Variants in MECOM observed in about 807,000 individuals in gnomAD.
MECOM encodes histone-lysine N-methyltransferase MECOM.
In MECOM, 13 loss-of-function variants were observed where a neutral mutation model predicts 116.3. The ratio of observed to expected loss-of-function variants is 0.11; its 90% confidence interval spans 0.07 to 0.18. The LOEUF (loss-of-function observed/expected upper bound fraction) is 0.18. Ranked by LOEUF, MECOM falls within the 10% of genes least tolerant of loss-of-function variation. The pLI, the probability that MECOM is intolerant of heterozygous loss-of-function variation, is 1.00. For missense variants in MECOM, 1,299 were observed against 1,509.0 expected (o/e 0.86, Z 2.31); for synonymous variants, 528 against 535.2 (o/e 0.99, Z 0.19).
chr3:169,092,503 T>C (rs1720060111), intron 14 of MECOM, among the ~76,000 whole-genome samples: 1 of 152,020 alleles, frequency 6.6e-6, no homozygotes, highest in South Asian at 2.1e-4. Flanking sequence ...ATATATATAA[T>C]TTATGATGTA....
chr3:169,551,050 C>T (rs1761343425), intron 1 of MECOM, among the ~76,000 whole-genome samples: 1 of 94,958 alleles, frequency 1.1e-5, no homozygotes, highest in African/African-American at 3.2e-5. Context: ...GTCTCGATCT[C>T]CTGACCTCGT....
At chr3:169,126,606 C>T (rs564748636) in intron 5 of MECOM, among the ~76,000 whole-genome samples, 30 of 152,038 alleles carry the variant, frequency 2.0e-4, no homozygotes, top group Admixed American at 6.6e-4. Flanking sequence ...CCCTCTTGTT[C>T]GGTAAAATGT....
intron 3 of MECOM, 31 bp from the exon 4 acceptor site, chr3:169,131,562 C>T: frequency 6.5e-7 from 1 of 1,547,154 alleles, no homozygotes; most frequent in Non-Finnish European, 8.8e-7. Flanking sequence ...TGGATGGAAT[C>T]AGGAAAGAGA....
At chr3:169,597,653 T>G (rs951727718) in intron 1 of MECOM, among the ~76,000 whole-genome samples, 6 of 152,230 alleles carry the variant, frequency 3.9e-5, no homozygotes, top group Non-Finnish European at 7.3e-5. Flanking sequence ...AGTCTTAGAC[T>G]AGGTCCTCAG....
At chr3:169,425,860 T>G (rs1022700627) in intron 1 of MECOM, among the ~76,000 whole-genome samples, 5 of 152,102 alleles carry the variant, frequency 3.3e-5, no homozygotes, top group Non-Finnish European at 5.9e-5. Context: ...TGGGAAAATG[T>G]TTGCAACACA....
intron 2 of MECOM, among the ~76,000 whole-genome samples, chr3:169,354,801 G>T (rs1169970311): frequency 6.6e-6 from 1 of 151,796 alleles, no homozygotes; most frequent in Non-Finnish European, 1.5e-5. Context: ...CCCTTCCTGA[G>T]CTGGGGCTTC....
intron 1 of MECOM, among the ~76,000 whole-genome samples, chr3:169,539,417 T>A (rs543203149): frequency 1.6e-4 from 25 of 152,016 alleles, no homozygotes; most frequent in Non-Finnish European, 3.1e-4. Flanking sequence ...TGTTTTAGAG[T>A]CTCTTCTGAG....
intron 1 of MECOM, among the ~76,000 whole-genome samples, chr3:169,472,690 A>G (rs1250466602): frequency 2.9e-5 from 4 of 136,742 alleles, no homozygotes; most frequent in East Asian, 2.3e-4. Context: ...GAGGAAAGGA[A>G]AGGGAAGGGA....
chr3:169,458,155 C>T (rs1012753217), intron 1 of MECOM, among the ~76,000 whole-genome samples: 1 of 152,160 alleles, frequency 6.6e-6, no homozygotes, highest in African/African-American at 2.4e-5. Context: ...ATGGGAAGGA[C>T]ATCAGTTTTA....
chr3:169,325,382 A>G (rs16853523), intron 2 of MECOM, among the ~76,000 whole-genome samples: 3,412 of 152,252 alleles, frequency 0.022, 89 homozygotes, highest in East Asian at 0.11. Context: ...ATGACATAAC[A>G]ACTGAAAAGT....
Position 169,584,418 on chromosome 3 carries a change from A to C in MECOM, c.37+78918T>G, listed in dbSNP as rs529524257. 6.5e-4 allele frequency among the ~76,000 whole-genome samples: 99 copies of C among 151,732 alleles called. No homozygotes were observed. The Middle Eastern group carries it at 0.01, about 16-fold the overall frequency. On this transcript the variant is annotated intron_variant, in intron 1 of 16. Coordinates refer to ENST00000651503, the MANE Select transcript of MECOM (RefSeq NM_004991.4). ...GTCTCTACTAAAAATACAAAAAATT[A>C]GCCGGGCGTGGTGGCGAGCGCCTGT... is the stretch of plus-strand genomic sequence containing the variant.
chr3:169,279,067 C>T (rs1397233325), intron 2 of MECOM, among the ~76,000 whole-genome samples: 4 of 152,168 alleles, frequency 2.6e-5, no homozygotes, highest in Non-Finnish European at 4.4e-5. Context: ...ATTAAGAAGT[C>T]ATTCATTCAG....
At chr3:169,261,075 T>C (rs897834806) in intron 2 of MECOM, among the ~76,000 whole-genome samples, 1 of 152,192 alleles carries the variant, frequency 6.6e-6, no homozygotes, top group Admixed American at 6.5e-5. Flanking sequence ...CGTGGTTGCA[T>C]AATAAAGTTG....
intron 2 of MECOM, among the ~76,000 whole-genome samples, chr3:169,149,917 ATC>A (rs1740884400): frequency 7.1e-6 from 1 of 140,720 alleles, no homozygotes; most frequent in Non-Finnish European, 1.6e-5. Flanking sequence ...CTAAATCTTA[ATC>A]TCTCTTTCTC....
chr3:169,344,997 T>G (rs913299593), intron 2 of MECOM, among the ~76,000 whole-genome samples: 1 of 152,176 alleles, frequency 6.6e-6, no homozygotes, highest in Non-Finnish European at 1.5e-5. Context: ...TTAGAGTTTA[T>G]CCCTGCTACT....
chr3:169,234,785 T>G (rs1753834853), intron 2 of MECOM, among the ~76,000 whole-genome samples: 1 of 152,200 alleles, frequency 6.6e-6, no homozygotes, highest in Admixed American at 6.5e-5. Context: ...AATTGCTTCT[T>G]TTTTTGACAA....
chr3:169,092,963 C>A lies in MECOM; in HGVS notation c.3159G>T (p.Glu1053Asp). 6.2e-7 allele frequency: 1 copy of A among 1,613,736 alleles called. No individual in the cohort carries two copies. The change falls in exon 14 of 17, where the codon GAG becomes GAT. Residue 1053 changes from glutamate (E) to aspartate (D), a missense_variant. Physicochemically the swap from Glu to Asp is conservative, Grantham distance 45. Coordinates refer to ENST00000651503, the MANE Select transcript of MECOM (RefSeq NM_004991.4). ...NHGSQSPRNVEERMNGSHFKD... is the reference protein window; with the variant it reads ...NHGSQSPRNVDERMNGSHFKD... ...AAAGTAAAAGACAGCTTTACCTCTC[C>A]TCCACATTCCTGGGAGATTGGCTGC...
At chr3:169,590,974 A>G (rs901328073) in intron 1 of MECOM, among the ~76,000 whole-genome samples, 1 of 152,232 alleles carries the variant, frequency 6.6e-6, no homozygotes, top group Admixed American at 6.5e-5. Context: ...AGAGAAAGCA[A>G]TCTGCTTTAG....
intron 2 of MECOM, among the ~76,000 whole-genome samples, chr3:169,234,399 G>A (rs1753774344): frequency 6.6e-6 from 1 of 151,684 alleles, no homozygotes; most frequent in South Asian, 2.1e-4. Flanking sequence ...AGTCAATTAT[G>A]TCATTGAGCA....
Sources: gnomAD v4.1 joint callset for allele counts (sites outside exome capture counted in the v4.1 genomes callset) on GRCh38, gnomAD v4.1.1 for gene constraint, MANE v1.5 for transcripts, NCBI Gene and HGNC (gene_info 2026-07-23, HGNC 2026-07-21) for gene names.